PDE4D: variants seen among roughly 807,000 people sequenced by gnomAD.
PDE4D encodes phosphodiesterase 4D, also known as 3',5'-cyclic-AMP phosphodiesterase 4D.
A neutral mutation model predicts 87.4 loss-of-function variants in PDE4D; 24 were observed. The observed-to-expected ratio is 0.27, with a 90% CI of 0.20 to 0.39. The LOEUF is 0.39. Among genes scored for constraint, PDE4D ranks in the 10% least tolerant of loss-of-function variants. The pLI, the probability that PDE4D is intolerant of heterozygous loss-of-function variation, is 1.00. For synonymous variants in PDE4D, 384 were observed against 383.2 expected (o/e 1.00, Z -0.02); for missense variants, 714 against 1,041.0 (o/e 0.69, Z 4.32).
intron 1 of PDE4D, among the ~76,000 whole-genome samples, chr5:59,750,595 G>A (rs773950416): frequency 1.3e-5 from 2 of 151,932 alleles, no homozygotes; most frequent in African/African-American, 2.4e-5. Context: ...GTCTTTCTCT[G>A]ACCCACTGGA....
intron 5 of PDE4D, among the ~76,000 whole-genome samples, chr5:59,053,870 C>T (rs1465288299): frequency 2.0e-5 from 3 of 151,538 alleles, no homozygotes; most frequent in Non-Finnish European, 4.4e-5. Context: ...GAGCTCAGAT[C>T]GTGCCACTGC....
intron 5 of PDE4D, among the ~76,000 whole-genome samples, chr5:59,111,642 T>TTCC (rs1772659825): frequency 6.6e-6 from 1 of 152,246 alleles, no homozygotes; most frequent in Non-Finnish European, 1.5e-5. Context: ...ACCTGCATTT[T>TTCC]TCTATTCTAA....
In PDE4D at chr5:59,814,232, T is replaced by A. The variant is rs959300494; in HGVS notation, c.455+78936A>T. On this transcript the variant is annotated intron_variant, in intron 1 of 14. Transcript: ENST00000340635. ...ATAAAGCTTTATTGGGACACAACCA[T>A]TCCCATTTGTTTACTTATTGTCTGT... 3.9e-5 allele frequency among the ~76,000 whole-genome samples: 6 copies of A among 152,286 alleles called. No individual in the cohort carries two copies. The South Asian group carries it at 1.0e-3, about 26-fold the overall frequency.
At chr5:60,258,476 T>C (rs1207696876) in intron 1 of PDE4D, among the ~76,000 whole-genome samples, 1 of 151,988 alleles carries the variant, frequency 6.6e-6, no homozygotes, top group Non-Finnish European at 1.5e-5. Flanking sequence ...TGTTCTTTGC[T>C]GGTGAACTTG....
intron 5 of PDE4D, among the ~76,000 whole-genome samples, chr5:59,112,274 GA>G: frequency 6.6e-6 from 1 of 152,284 alleles, no homozygotes; most frequent in Admixed American, 6.5e-5. Context: ...ATGAGAGAAA[GA>G]AGAGTTAAAA....
chr5:59,218,226 T>G (rs1329520595), intron 1 of PDE4D, among the ~76,000 whole-genome samples: 3 of 152,178 alleles, frequency 2.0e-5, no homozygotes, highest in African/African-American at 7.2e-5. Context: ...ATATTCTTAT[T>G]GCTACACTTT....
At chr5:60,310,610 C>A (rs1284952311) in intron 1 of PDE4D, among the ~76,000 whole-genome samples, 1 of 152,150 alleles carries the variant, frequency 6.6e-6, no homozygotes, top group African/African-American at 2.4e-5. Flanking sequence ...GACTTCTGGC[C>A]AACAGAATAG....
At chr5:59,045,896 T>C (rs1275061492) in intron 5 of PDE4D, among the ~76,000 whole-genome samples, 1 of 152,202 alleles carries the variant, frequency 6.6e-6, no homozygotes, top group East Asian at 1.9e-4. Flanking sequence ...TTATAGACCA[T>C]TTGCTTCTCT....
intron 1 of PDE4D, among the ~76,000 whole-genome samples, chr5:59,509,372 C>A (rs1809864994): frequency 6.7e-6 from 1 of 149,002 alleles, no homozygotes; most frequent in African/African-American, 2.5e-5. Context: ...TGGAGAGTCA[C>A]TAGAGAAACT....
intron 2 of PDE4D, among the ~76,000 whole-genome samples, chr5:60,079,109 G>A (rs1412704746): frequency 6.6e-6 from 1 of 152,082 alleles, no homozygotes; most frequent in African/African-American, 2.4e-5. Context: ...TCTCATAGTG[G>A]TTTTGATTTG....
At chr5:59,068,058 T>C in intron 5 of PDE4D, among the ~76,000 whole-genome samples, 1 of 152,102 alleles carries the variant, frequency 6.6e-6, no homozygotes, top group East Asian at 1.9e-4. Context: ...ATGAACCACA[T>C]TGACTTGAGG....
At chr5:60,352,999 G>A (rs543943120) in intron 1 of PDE4D, among the ~76,000 whole-genome samples, 1 of 152,314 alleles carries the variant, frequency 6.6e-6, no homozygotes, top group South Asian at 2.1e-4. Flanking sequence ...AGAATCTACT[G>A]TAGCTATTTT....
intron 1 of PDE4D, among the ~76,000 whole-genome samples, chr5:59,265,667 A>T (rs1762752502): frequency 6.6e-6 from 1 of 152,090 alleles, no homozygotes; most frequent in Non-Finnish European, 1.5e-5. Flanking sequence ...TCATTGCTAA[A>T]GGTAACATTT....
chr5:59,193,180 A>G (rs1157470288), intron 3 of PDE4D, among the ~76,000 whole-genome samples: 2 of 152,228 alleles, frequency 1.3e-5, no homozygotes. Flanking sequence ...GTACCTAATT[A>G]TACTAAACAT....
At chr5:60,465,746 C>T (rs1561286358) in intron 1 of PDE4D, among the ~76,000 whole-genome samples, 2 of 152,050 alleles carry the variant, frequency 1.3e-5, no homozygotes, top group African/African-American at 2.4e-5. Context: ...TACCAAGAAT[C>T]ATAGCTTAGC....
intron 2 of PDE4D, among the ~76,000 whole-genome samples, chr5:60,167,392 C>A (rs891123407): frequency 1.3e-5 from 2 of 151,346 alleles, no homozygotes; most frequent in Non-Finnish European, 2.9e-5. Flanking sequence ...CCTCAGCCTC[C>A]CGAGTAGCTG....
At chr5:59,470,096 AGT>A (rs1802220564) in intron 1 of PDE4D, among the ~76,000 whole-genome samples, 1 of 152,126 alleles carries the variant, frequency 6.6e-6, no homozygotes, top group African/African-American at 2.4e-5. Flanking sequence ...GCTGGGCACC[AGT>A]CTGCACACAG....
chr5:59,145,282 T>C (rs1778465332), intron 5 of PDE4D, among the ~76,000 whole-genome samples: 1 of 152,126 alleles, frequency 6.6e-6, no homozygotes, highest in Admixed American at 6.5e-5. Flanking sequence ...TTTGGGAAAG[T>C]GAAATTAAAC....
At chr5:60,081,682 T>C (rs545811901) in intron 2 of PDE4D, among the ~76,000 whole-genome samples, 1 of 152,004 alleles carries the variant, frequency 6.6e-6, no homozygotes, top group Admixed American at 6.6e-5. Context: ...TTGTTCAATT[T>C]CCATGAAATT....
Sources: gnomAD v4.1 joint callset for allele counts (sites outside exome capture counted in the v4.1 genomes callset) on GRCh38, gnomAD v4.1.1 for gene constraint, MANE v1.5 for transcripts, NCBI Gene and HGNC (gene_info 2026-07-23, HGNC 2026-07-21) for gene names.